Variants in SLC4A4 observed in about 807,000 individuals in gnomAD.
SLC4A4 encodes solute carrier family 4 member 4.
Under a neutral mutation model 111.5 loss-of-function variants are expected in SLC4A4, and 27 were observed. The ratio of observed to expected loss-of-function variants is 0.24; its 90% CI spans 0.18 to 0.33. The LOEUF is 0.33. Among genes scored for constraint, SLC4A4 ranks in the 10% least tolerant of loss-of-function variants. SLC4A4 has a pLI of 1.00. For synonymous variants in SLC4A4, 443 were observed against 463.4 expected (o/e 0.96, Z 0.57); for missense variants, 909 against 1,315.5 (o/e 0.69, Z 4.78).
chr4:71,402,867 A>AT (rs1237049562), intron 7 of SLC4A4, among the ~76,000 whole-genome samples: 1 of 152,048 alleles, frequency 6.6e-6, no homozygotes, highest in African/African-American at 2.4e-5. Context: ...GTCTGTCATT[A>AT]TTTTTTCCCT....
At chr4:71,448,930 T>G (rs1553914451) in intron 9 of SLC4A4, among the ~76,000 whole-genome samples, 1 of 152,242 alleles carries the variant, frequency 6.6e-6, no homozygotes, top group Non-Finnish European at 1.5e-5. Flanking sequence ...GGAACATTTA[T>G]TTTATTCATC....
intron 2 of SLC4A4, among the ~76,000 whole-genome samples, chr4:71,133,771 T>G (rs1003920976): frequency 6.6e-6 from 1 of 152,216 alleles, no homozygotes; most frequent in Non-Finnish European, 1.5e-5. Flanking sequence ...CTGATTCTTA[T>G]GGCTGTCGCT....
intron 17 of SLC4A4, among the ~76,000 whole-genome samples, chr4:71,533,535 CAT>C (rs1405920213): frequency 2.0e-5 from 3 of 151,746 alleles, no homozygotes; most frequent in Non-Finnish European, 4.4e-5. Context: ...CTGTAGTAGA[CAT>C]ATATGATCTA....
chr4:71,408,314 A>G (rs1170437839), intron 7 of SLC4A4, among the ~76,000 whole-genome samples: 1 of 152,228 alleles, frequency 6.6e-6, no homozygotes, highest in Non-Finnish European at 1.5e-5. Context: ...TAGAGATATT[A>G]TACTTCAGTC....
At chr4:71,493,190 A>G (rs1730095042) in intron 15 of SLC4A4, among the ~76,000 whole-genome samples, 1 of 151,994 alleles carries the variant, frequency 6.6e-6, no homozygotes, top group African/African-American at 2.4e-5. Flanking sequence ...CCAGTTAAAG[A>G]TGAATTTTAA....
At chr4:71,290,885 A>G (rs1187263361) in intron 3 of SLC4A4, among the ~76,000 whole-genome samples, 2 of 152,200 alleles carry the variant, frequency 1.3e-5, no homozygotes, top group Non-Finnish European at 2.9e-5. Flanking sequence ...TGGTCCTGTT[A>G]TTTGGTTTAT....
chr4:71,201,579 G>A (rs1746253719), intron 1 of SLC4A4, among the ~76,000 whole-genome samples: 1 of 152,136 alleles, frequency 6.6e-6, no homozygotes, highest in Non-Finnish European at 1.5e-5. Context: ...GTTTAAGTAA[G>A]TTAATGAATG....
At position 71,180,890 on chromosome 4, in the gene SLC4A4, A is replaced by T. The variant is rs1470530034; in HGVS notation, c.-1-55686A>T. ...GCTATATACCCAAGGATTATAAATCATGCTACTAGAAAGACACATGCACAC... is the reference window on the plus strand; with the variant it reads ...GCTATATACCCAAGGATTATAAATCTTGCTACTAGAAAGACACATGCACAC... On this transcript the variant is annotated intron_variant, in intron 2 of 26. Coordinates refer to the SLC4A4 transcript ENST00000649996. Among the ~76,000 whole-genome samples the T allele has an allele frequency of 2.0e-5, 3 of 152,212 alleles. No individual in the cohort carries two copies. In the East Asian group the frequency reaches 5.8e-4, roughly 29 times the overall value.
intron 23 of SLC4A4, 60 bp from the exon 24 acceptor site, chr4:71,563,733 G>A: frequency 9.7e-7 from 1 of 1,028,480 alleles, no homozygotes; most frequent in Middle Eastern, 2.1e-4. Flanking sequence ...TCGATGCTAG[G>A]AGATAGGAAG....
intron 2 of SLC4A4, among the ~76,000 whole-genome samples, chr4:71,136,160 A>T (rs75731388): frequency 0.012 from 1,877 of 152,182 alleles, 44 homozygotes; most frequent in African/African-American, 0.042. Context: ...CTGTTTTAAT[A>T]CTTCTGTGTC....
At chr4:71,226,026 C>T (rs1719027889) in intron 1 of SLC4A4, among the ~76,000 whole-genome samples, 1 of 152,210 alleles carries the variant, frequency 6.6e-6, no homozygotes, top group African/African-American at 2.4e-5. Flanking sequence ...AGCTGCCATC[C>T]AGCTTCTTTA....
At chr4:71,475,856 T>A (rs10938140) in intron 14 of SLC4A4, among the ~76,000 whole-genome samples, 20,240 of 151,872 alleles carry the variant, frequency 0.13, 1,593 homozygotes, top group African/African-American at 0.22. Flanking sequence ...CTGCCATTAT[T>A]ATTGCTATTA....
Position 71,571,121 on chromosome 4 carries a change from C to T in SLC4A4, c.*3370C>T, listed in dbSNP as rs547564634. ...TGTTTAATAGAGAATGATTGTCTTC[C>T]GAGTTTTTTGGTTCCTTTTTTAACT... On this transcript the variant is annotated 3_prime_UTR_variant, in exon 26 of 26. Transcript: ENST00000264485. The T allele has an allele frequency of 4.6e-5, 7 of 152,222 alleles. No individual in the cohort carries two copies. The highest frequency in any genetic ancestry group is 1.4e-4 in the African/African-American group (6 of 41,450). 9.4% of individuals were successfully genotyped at this position (152,222 alleles called of 1,614,324 possible). A position where few individuals can be genotyped will look rare whatever the true frequency, so the allele number is the denominator to read the frequency against.
At chr4:71,074,063 C>A (rs952878273) in intron 1 of SLC4A4, among the ~76,000 whole-genome samples, 4 of 151,968 alleles carry the variant, frequency 2.6e-5, no homozygotes, top group African/African-American at 9.7e-5. Flanking sequence ...AGGAAAGGTG[C>A]TACTATAAGA....
At chr4:71,274,107 C>T (rs1345678855) in intron 3 of SLC4A4, among the ~76,000 whole-genome samples, 1 of 152,076 alleles carries the variant, frequency 6.6e-6, no homozygotes, top group Non-Finnish European at 1.5e-5. Context: ...TTAATGAACA[C>T]ATTTTATATG....
At chr4:71,330,952 T>G (rs1727930276) in intron 3 of SLC4A4, among the ~76,000 whole-genome samples, 1 of 152,122 alleles carries the variant, frequency 6.6e-6, no homozygotes, top group African/African-American at 2.4e-5. Flanking sequence ...AAAGAAGACA[T>G]TTATGCAGCC....
chr4:71,440,723 A>G lies in SLC4A4; in HGVS notation c.915A>G (p.Leu305=), dbSNP rs776706481. Reference sequence around the variant, plus strand: ...CTCCTTTCATTGCCTTTGTTAGGCTACAGCAGGCTGTCATGCTGGGTGCCC... The same window carrying G: ...CTCCTTTCATTGCCTTTGTTAGGCTGCAGCAGGCTGTCATGCTGGGTGCCC... ...LDTPFIAFVR[L]QQAVMLGALT... is the part of the protein sequence containing the mutation. The change falls in exon 8 of 26, where the codon CTA becomes CTG. Residue 305 remains leucine (L), a synonymous_variant. Coordinates refer to ENST00000264485, the MANE Select transcript of SLC4A4 (RefSeq NM_001098484.3). 4.3e-6 allele frequency: 7 copies of G among 1,614,158 alleles called. No homozygotes were observed. The highest frequency in any genetic ancestry group is 5.9e-6 in the Non-Finnish European group (7 of 1,179,984).
At chr4:71,422,779 A>C (rs1560494686) in intron 7 of SLC4A4, among the ~76,000 whole-genome samples, 1 of 152,180 alleles carries the variant, frequency 6.6e-6, no homozygotes, top group Non-Finnish European at 1.5e-5. Context: ...CTTTGACAAA[A>C]TTCAACAACC....
intron 12 of SLC4A4, among the ~76,000 whole-genome samples, chr4:71,463,983 A>C (rs1218507333): frequency 6.6e-6 from 1 of 152,174 alleles, no homozygotes; most frequent in African/African-American, 2.4e-5. Context: ...GTGATAAGAA[A>C]TATCACTCTT....
Sources: allele counts gnomAD v4.1 joint callset (sites outside exome capture counted in the v4.1 genomes callset), GRCh38; gene constraint gnomAD v4.1.1; transcripts MANE v1.5; gene names NCBI Gene and HGNC (gene_info 2026-07-23, HGNC 2026-07-21).